Variants in HDX observed in about 807,000 individuals in gnomAD.
HDX encodes the protein highly divergent homeobox, also known as chromosome X open reading frame 43.
A neutral mutation model predicts 45.2 loss-of-function variants in HDX; 19 were observed. That is an observed-to-expected ratio of 0.42 (90% CI 0.29 to 0.62). The LOEUF is 0.62. Ranked by LOEUF, HDX falls within the 20% of genes least tolerant of loss-of-function variation. The probability of loss-of-function intolerance (pLI) is 0.20; values close to 1 mark genes in which losing one functional copy is unlikely to be tolerated. For missense variants in HDX, 532 were observed against 493.9 expected (o/e 1.08, Z -0.73); for synonymous variants, 188 against 172.8 (o/e 1.09, Z -0.69).
chrX:84,357,097 TA>T (rs1408356273), intron 6 of HDX, among the ~76,000 whole-genome samples: 1 of 111,475 alleles, frequency 9.0e-6, no homozygotes, highest in Non-Finnish European at 1.9e-5. Context: ...TGAAGTTTTT[TA>T]AAAAATGAAA....
chrX:84,485,221 T>C (rs1175674727), intron 2 of HDX, among the ~76,000 whole-genome samples: 1 of 111,783 alleles, frequency 8.9e-6, no homozygotes, highest in Non-Finnish European at 1.9e-5. Context: ...TAGTCTGCTG[T>C]TGGGTGGTCA....
intron 5 of HDX, 79 bp from the exon 6 acceptor site, chrX:84,361,691 T>G: frequency 1.2e-6 from 1 of 800,886 alleles, no homozygotes; most frequent in Non-Finnish European, 1.7e-6. Context: ...AAGAGAAGCA[T>G]CAGGGTGAGA....
chrX:84,339,538 A>T (rs747786893), intron 7 of HDX, among the ~76,000 whole-genome samples: 1 of 111,938 alleles, frequency 8.9e-6, no homozygotes, highest in Non-Finnish European at 1.9e-5. Flanking sequence ...AAATAAAAGG[A>T]TGTGAAGTGA....
In HDX at chrX:84,361,629, T is replaced by A. The variant is rs2037625094; in HGVS notation, c.1306-17A>T. 2 of 1,127,840 alleles carry A rather than the reference T, an allele frequency of 1.8e-6. No individual in the cohort carries two copies. Among genetic ancestry groups the A allele is most frequent in the Non-Finnish European group, 2.4e-6 (2 of 843,045 alleles). The allele number at this position is 1,127,840 out of a possible 1,213,427, so 92.9% of individuals were successfully genotyped here. A position where few individuals can be genotyped will look rare whatever the true frequency, so the allele number is the denominator to read the frequency against. On this transcript the variant is annotated splice_polypyrimidine_tract_variant and intron_variant, in intron 5 of 10. Coordinates refer to ENST00000373177, the MANE Select transcript of HDX (RefSeq NM_001177479.2). ...GTCCTGTAGCTGAAAAACACATTTTTAAATTGTTTTGAATTTTAAAGTTTA... is the reference window on the plus strand; with the variant it reads ...GTCCTGTAGCTGAAAAACACATTTTAAAATTGTTTTGAATTTTAAAGTTTA...
rs914284582 is a variant in HDX, at chrX:84,479,219, C to T, written c.1-3822G>A. On this transcript the variant is annotated intron_variant, in intron 2 of 10. Transcript: ENST00000373177. ...ACTCCCAAAAATTTCCCTTATGCTG[C>T]CTCATTAGCAAGCCATCCAGCCACC... Among the ~76,000 whole-genome samples the T allele has an allele frequency of 8.4e-4, 94 of 111,282 alleles. 1 individual carries two copies. The highest frequency in any genetic ancestry group is 2.6e-4 in the Non-Finnish European group (14 of 53,042).
At chrX:84,428,831 G>A in intron 5 of HDX, among the ~76,000 whole-genome samples, 1 of 110,701 alleles carries the variant, frequency 9.0e-6, no homozygotes, top group Middle Eastern at 4.6e-3. Context: ...TTCTAGGTGT[G>A]TAAAATAACT....
chrX:84,418,774 G>A (rs1345388563), intron 5 of HDX, among the ~76,000 whole-genome samples: 1 of 111,212 alleles, frequency 9.0e-6, no homozygotes. Context: ...TGGGGGGGAA[G>A]GCACATGACA....
intron 4 of HDX, among the ~76,000 whole-genome samples, chrX:84,448,947 T>G (rs955893782): frequency 1.8e-5 from 2 of 108,785 alleles, no homozygotes; most frequent in African/African-American, 6.7e-5. Flanking sequence ...AAGATAGATA[T>G]CATTTAAAAA....
chrX:84,449,036 T>G, intron 4 of HDX, among the ~76,000 whole-genome samples: 1 of 106,845 alleles, frequency 9.4e-6, no homozygotes, highest in South Asian at 4.2e-4. Context: ...ATATTCAAAC[T>G]TCAACAATAG....
chrX:84,350,281 A>G (rs2147816356), intron 6 of HDX, among the ~76,000 whole-genome samples: 1 of 111,209 alleles, frequency 9.0e-6, no homozygotes, highest in South Asian at 3.8e-4. Flanking sequence ...TTCCATGAGC[A>G]CTTGAAAAGT....
chrX:84,408,594 G>T (rs754279358), intron 5 of HDX, among the ~76,000 whole-genome samples: 47 of 84,040 alleles, frequency 5.6e-4, no homozygotes, highest in Admixed American at 2.7e-3. Flanking sequence ...TTCTAATTCT[G>T]TGATGAATGC....
At chrX:84,494,680 T>C (rs944796729) in intron 1 of HDX, among the ~76,000 whole-genome samples, 4 of 111,872 alleles carry the variant, frequency 3.6e-5, no homozygotes, top group Non-Finnish European at 7.5e-5. Context: ...AATGAAAATG[T>C]GAAAGCATAA....
intron 4 of HDX, among the ~76,000 whole-genome samples, chrX:84,445,625 G>A (rs1243041797): frequency 9.1e-6 from 1 of 110,205 alleles, no homozygotes; most frequent in Non-Finnish European, 1.9e-5. Flanking sequence ...TGGAGGAGGG[G>A]AGTAAATTAT....
At chrX:84,381,897 A>T (rs2147906447) in intron 5 of HDX, among the ~76,000 whole-genome samples, 1 of 111,341 alleles carries the variant, frequency 9.0e-6, no homozygotes, top group African/African-American at 3.3e-5. Flanking sequence ...CAAAGAAAAC[A>T]ACAAAATGAA....
chrX:84,491,392 A>T (rs1038807452), intron 1 of HDX, among the ~76,000 whole-genome samples: 86 of 112,029 alleles, frequency 7.7e-4, no homozygotes, highest in Middle Eastern at 4.6e-3. Context: ...TGGATCTTTT[A>T]AAAAAATCTA....
intron 1 of HDX, among the ~76,000 whole-genome samples, chrX:84,493,950 C>A (rs1208045319): frequency 9.0e-6 from 1 of 111,208 alleles, no homozygotes; most frequent in Non-Finnish European, 1.9e-5. Context: ...ATGCTTATAT[C>A]AAAATATCTC....
At chrX:84,478,208 G>T (rs1445906485) in intron 2 of HDX, among the ~76,000 whole-genome samples, 5 of 111,658 alleles carry the variant, frequency 4.5e-5, no homozygotes, top group Non-Finnish European at 9.4e-5. Flanking sequence ...TTCAGATATG[G>T]AATTTTTCAG....
chrX:84,325,099 C>T (rs998315355), intron 10 of HDX, among the ~76,000 whole-genome samples: 4 of 110,478 alleles, frequency 3.6e-5, no homozygotes, highest in Non-Finnish European at 7.6e-5. Flanking sequence ...ATTCGTGAAA[C>T]TTGACACATA....
intron 5 of HDX, among the ~76,000 whole-genome samples, chrX:84,439,606 C>T (rs1288152262): frequency 9.0e-6 from 1 of 111,263 alleles, no homozygotes; most frequent in Non-Finnish European, 1.9e-5. Flanking sequence ...AAGTATCATT[C>T]TTCTGCACAT....
Sources: allele counts gnomAD v4.1 joint callset (sites outside exome capture counted in the v4.1 genomes callset), GRCh38; gene constraint gnomAD v4.1.1; transcripts MANE v1.5; gene names NCBI Gene and HGNC (gene_info 2026-07-23, HGNC 2026-07-21).